The following LHFPL3 variants were observed in gnomAD, a reference collection of about 807,000 sequenced individuals.
The protein encoded by LHFPL3 is LHFPL tetraspan subfamily member 3 protein.
A neutral mutation model predicts 19.3 loss-of-function variants in LHFPL3; 5 were observed. The ratio of observed to expected loss-of-function variants is 0.26; its 90% CI spans 0.14 to 0.54. LHFPL3 has a LOEUF of 0.54. Among genes scored for constraint, LHFPL3 ranks in the 20% least tolerant of loss-of-function variants. The probability of loss-of-function intolerance (pLI) is 0.94; values close to 1 mark genes in which losing one functional copy is unlikely to be tolerated. For missense variants in LHFPL3, 249 were observed against 307.4 expected (o/e 0.81, Z 1.42); for synonymous variants, 133 against 126.2 (o/e 1.05, Z -0.36).
At chr7:104,561,108 G>C (rs1789987359) in intron 1 of LHFPL3, among the ~76,000 whole-genome samples, 1 of 151,978 alleles carries the variant, frequency 6.6e-6, no homozygotes, top group Non-Finnish European at 1.5e-5. Flanking sequence ...CCCAGTATGT[G>C]GTCAATTTTG....
At chr7:104,864,646 T>C (rs530264060) in intron 2 of LHFPL3, among the ~76,000 whole-genome samples, 263 of 152,340 alleles carry the variant, frequency 1.7e-3, no homozygotes, top group Non-Finnish European at 3.3e-3. Context: ...TGCCTGCCTC[T>C]GTAGACTCCA....
At chr7:104,750,052 A>G (rs1170800958) in intron 2 of LHFPL3, among the ~76,000 whole-genome samples, 2 of 152,182 alleles carry the variant, frequency 1.3e-5, no homozygotes, top group South Asian at 2.1e-4. Flanking sequence ...CCATTGTTGT[A>G]ATAAATCTCG....
chr7:104,839,676 G>GA (rs899870485), intron 2 of LHFPL3, among the ~76,000 whole-genome samples: 66 of 143,898 alleles, frequency 4.6e-4, no homozygotes, highest in African/African-American at 1.5e-3. Flanking sequence ...CTTAAAAAAA[G>GA]AAAAAAAAGA....
intron 1 of LHFPL3, among the ~76,000 whole-genome samples, chr7:104,381,508 C>G (rs1284249569): frequency 6.6e-6 from 1 of 151,904 alleles, no homozygotes; most frequent in Non-Finnish European, 1.5e-5. Flanking sequence ...TCTTCAGATT[C>G]TTTCCTTCCT....
At chr7:104,886,853 A>C (rs1288097438) in intron 2 of LHFPL3, among the ~76,000 whole-genome samples, 1 of 152,236 alleles carries the variant, frequency 6.6e-6, no homozygotes, top group Non-Finnish European at 1.5e-5. Context: ...CCATGGGCTA[A>C]GCTGCTCTCT....
intron 2 of LHFPL3, among the ~76,000 whole-genome samples, chr7:104,759,975 C>T (rs948681550): frequency 1.3e-5 from 2 of 152,186 alleles, no homozygotes; most frequent in East Asian, 1.9e-4. Flanking sequence ...ATTGTATTAT[C>T]GTCGCTCCTC....
At chr7:104,769,183 C>T (rs1220751819) in intron 2 of LHFPL3, among the ~76,000 whole-genome samples, 1 of 152,242 alleles carries the variant, frequency 6.6e-6, no homozygotes, top group African/African-American at 2.4e-5. Context: ...TTCAATTGCA[C>T]TCTTCAAGTT....
chr7:104,551,116 T>TAC (rs3049711), intron 1 of LHFPL3, among the ~76,000 whole-genome samples: 2,889 of 150,234 alleles, frequency 0.019, 114 homozygotes, highest in East Asian at 0.14. Context: ...CATCCTTGTG[T>TAC]ACACACACAC....
At chr7:104,622,942 C>A in intron 1 of LHFPL3, 1 of 301,278 alleles carries the variant, frequency 3.3e-6, no homozygotes. Flanking sequence ...AATGAGGGTT[C>A]CAGGTTTTAT....
intron 1 of LHFPL3, among the ~76,000 whole-genome samples, chr7:104,352,985 G>GGGAGCCAGTGA (rs1790207693): frequency 6.6e-6 from 1 of 152,152 alleles, no homozygotes; most frequent in Non-Finnish European, 1.5e-5. Flanking sequence ...GATTTCAGTG[G>GGGAGCCAGTGA]GGAGCCTGTA....
At chr7:104,716,457 T>G (rs574063096) in intron 1 of LHFPL3, among the ~76,000 whole-genome samples, 1 of 145,242 alleles carries the variant, frequency 6.9e-6, no homozygotes, top group South Asian at 2.2e-4. Flanking sequence ...CTGTTGAAAC[T>G]AATAGACAAA....
At chr7:104,775,553 T>C (rs972316151) in intron 2 of LHFPL3, among the ~76,000 whole-genome samples, 1 of 152,174 alleles carries the variant, frequency 6.6e-6, no homozygotes. Flanking sequence ...GCCAGGTGTG[T>C]GAAAATTAGG....
At chr7:104,417,541 G>A (rs975275811) in intron 1 of LHFPL3, among the ~76,000 whole-genome samples, 3 of 151,722 alleles carry the variant, frequency 2.0e-5, no homozygotes, top group African/African-American at 7.3e-5. Flanking sequence ...TTTTTATTGG[G>A]GTCTTGTGTT....
intron 1 of LHFPL3, among the ~76,000 whole-genome samples, chr7:104,630,768 T>A (rs1359065205): frequency 1.3e-5 from 2 of 152,084 alleles, no homozygotes; most frequent in African/African-American, 4.8e-5. Context: ...TAATTATTAT[T>A]TATAAGAGGA....
intron 1 of LHFPL3, among the ~76,000 whole-genome samples, chr7:104,431,819 C>T (rs1393043714): frequency 6.6e-6 from 1 of 152,102 alleles, no homozygotes; most frequent in Non-Finnish European, 1.5e-5. Flanking sequence ...AGATCATAAA[C>T]TCTTTCTGGA....
At chr7:104,581,141 T>G (rs531739569) in intron 1 of LHFPL3, among the ~76,000 whole-genome samples, 1 of 152,128 alleles carries the variant, frequency 6.6e-6, no homozygotes, top group Non-Finnish European at 1.5e-5. Flanking sequence ...TACACTCCCC[T>G]CAGCAGTGTA....
chr7:104,662,682 G>T (rs1299943148), intron 1 of LHFPL3, among the ~76,000 whole-genome samples: 1 of 152,188 alleles, frequency 6.6e-6, no homozygotes, highest in African/African-American at 2.4e-5. Context: ...CTTGCAAAGA[G>T]GGTAAATGCG....
At chr7:104,879,412 T>C (rs1003578978) in intron 2 of LHFPL3, among the ~76,000 whole-genome samples, 1 of 151,334 alleles carries the variant, frequency 6.6e-6, no homozygotes, top group African/African-American at 2.4e-5. Context: ...TGAGACCCTG[T>C]CTCAAAAAAA....
intron 2 of LHFPL3, among the ~76,000 whole-genome samples, chr7:104,801,908 T>TA (rs1267961865): frequency 2.6e-5 from 4 of 152,176 alleles, no homozygotes; most frequent in Non-Finnish European, 4.4e-5. Flanking sequence ...CTTTCTCTCT[T>TA]ACCATTGGGT....
Sources: allele counts gnomAD v4.1 joint callset (sites outside exome capture counted in the v4.1 genomes callset), GRCh38; gene constraint gnomAD v4.1.1; transcripts MANE v1.5; gene names NCBI Gene and HGNC (gene_info 2026-07-23, HGNC 2026-07-21).